ACTR3C: variants seen among roughly 807,000 people sequenced by gnomAD.
ACTR3C encodes the protein actin-related protein 3C.
A neutral mutation model predicts 26.3 loss-of-function variants in ACTR3C; 18 were observed. That is an observed-to-expected ratio of 0.68 (90% CI 0.47 to 1.01). ACTR3C has a LOEUF of 1.01. Ranked by LOEUF, ACTR3C falls within the 50% of genes least tolerant of loss-of-function variation. The pLI, the probability that ACTR3C is intolerant of heterozygous loss-of-function variation, is 0.00. For missense variants in ACTR3C, 184 were observed against 250.7 expected, an observed-to-expected ratio of 0.73 and a Z score of 1.80; for synonymous variants, 55 against 94.5, an observed-to-expected ratio of 0.58 and a Z score of 2.42.
the ACTR3C span, among the ~76,000 whole-genome samples, chr7:149,887,075 G>T: frequency 6.6e-6 from 1 of 151,732 alleles, no homozygotes; most frequent in Non-Finnish European, 1.5e-5. Context: ...AAAATGGAAA[G>T]AAACTATAAA....
the ACTR3C span, chr7:150,074,155 C>G: frequency 6.6e-6 from 1 of 152,242 alleles, no homozygotes; most frequent in Non-Finnish European, 1.5e-5. Context: ...GCTACATGTT[C>G]TAGAAAGCCC....
At chr7:149,954,045 T>A in the ACTR3C span, among the ~76,000 whole-genome samples, 9,891 of 141,744 alleles carry the variant, frequency 0.07, 1,089 homozygotes, top group African/African-American at 0.24. Context: ...ACTCTGTTTT[T>A]CCCCATACGC....
chr7:149,934,462 A>C, the ACTR3C span, among the ~76,000 whole-genome samples: 1 of 152,232 alleles, frequency 6.6e-6, no homozygotes, highest in African/African-American at 2.4e-5. Context: ...AATTTTATAT[A>C]TTCAAGAGGT....
the ACTR3C span, among the ~76,000 whole-genome samples, chr7:150,131,070 A>G: frequency 2.0e-5 from 3 of 152,276 alleles, no homozygotes; most frequent in East Asian, 5.8e-4. Context: ...ATGACTACAC[A>G]TTTTTTCAAA....
At chr7:150,252,411 A>G (rs61435609) in intron 6 of ACTR3C, among the ~76,000 whole-genome samples, 21,881 of 152,008 alleles carry the variant, frequency 0.14, 3,028 homozygotes, top group African/African-American at 0.36. Flanking sequence ...TGGCCTGTCC[A>G]TACTCTAAAG....
At chr7:150,143,524 C>A in the ACTR3C span, among the ~76,000 whole-genome samples, 1 of 152,132 alleles carries the variant, frequency 6.6e-6, no homozygotes, top group South Asian at 2.1e-4. Context: ...GTAACAGCTA[C>A]GACAATCAAG....
the ACTR3C span, among the ~76,000 whole-genome samples, chr7:150,056,818 C>A: frequency 6.9e-6 from 1 of 145,424 alleles, no homozygotes; most frequent in African/African-American, 2.6e-5. Context: ...TGATGCAGAC[C>A]CATTTCAGTC....
At chr7:150,205,410 A>T in the ACTR3C span, among the ~76,000 whole-genome samples, 5 of 152,226 alleles carry the variant, frequency 3.3e-5, no homozygotes, top group African/African-American at 1.2e-4. Flanking sequence ...TGTATTATGG[A>T]TGTAACCTAC....
chr7:150,214,546 A>C, the ACTR3C span, among the ~76,000 whole-genome samples: 1 of 151,792 alleles, frequency 6.6e-6, no homozygotes, highest in South Asian at 2.1e-4. Flanking sequence ...TCTTGGAAAA[A>C]TGATGAGCCT....
intron 2 of ACTR3C, among the ~76,000 whole-genome samples, chr7:150,294,630 C>T (rs1216731101): frequency 6.6e-6 from 1 of 152,212 alleles, no homozygotes; most frequent in Non-Finnish European, 1.5e-5. Context: ...TGCAGCATCG[C>T]CCAAATTCAT....
chr7:149,967,468 G>A, the ACTR3C span, among the ~76,000 whole-genome samples: 1,692 of 152,270 alleles, frequency 0.011, 20 homozygotes, highest in African/African-American at 0.038. Context: ...CACCGTGTCT[G>A]GCCCATGTCT....
At chr7:150,029,483 C>T in the ACTR3C span, among the ~76,000 whole-genome samples, 18 of 151,278 alleles carry the variant, frequency 1.2e-4, no homozygotes, top group African/African-American at 3.4e-4. Flanking sequence ...AGGAAGATCG[C>T]TTGAGCCCAG....
chr7:150,095,658 T>C, the ACTR3C span, among the ~76,000 whole-genome samples: 1 of 149,964 alleles, frequency 6.7e-6, no homozygotes, highest in East Asian at 1.9e-4. Flanking sequence ...TGTACCCTCA[T>C]TTTCAAAACC....
At chr7:150,241,943 C>T (rs141717653), downstream of ACTR3C, among the ~76,000 whole-genome samples, 13 of 152,202 alleles carry the variant, frequency 8.5e-5, no homozygotes, top group African/African-American at 2.4e-4. Context: ...TGTGGCCAGG[C>T]GCGGTGGCTC....
chr7:150,030,380 A>C, the ACTR3C span, among the ~76,000 whole-genome samples: 7 of 151,022 alleles, frequency 4.6e-5, 1 homozygote, highest in African/African-American at 1.7e-4. Context: ...ATTGGATTGG[A>C]TGGTATAGAT....
At chr7:150,227,712 T>TTTTTTTTTTTTTTTTTTG in the ACTR3C span, among the ~76,000 whole-genome samples, 1 of 147,940 alleles carries the variant, frequency 6.8e-6, no homozygotes, top group African/African-American at 2.5e-5. Flanking sequence ...TTTTTTTTTT[T>TTTTTTTTTTTTTTTTTTG]TGGTATATGT....
the ACTR3C span, among the ~76,000 whole-genome samples, chr7:149,986,596 T>C: frequency 1.3e-5 from 2 of 152,096 alleles, no homozygotes; most frequent in Non-Finnish European, 2.9e-5. Flanking sequence ...TAGGCACTAA[T>C]AGCACAAACA....
At chr7:150,152,388 T>C in the ACTR3C span, among the ~76,000 whole-genome samples, 35,094 of 151,984 alleles carry the variant, frequency 0.23, 4,803 homozygotes, top group East Asian at 0.47. Flanking sequence ...TCTGCATCTA[T>C]TGAGATAATC....
intron 1 of ACTR3C, among the ~76,000 whole-genome samples, chr7:150,304,315 A>G (rs1472873846): frequency 1.3e-5 from 2 of 152,130 alleles, no homozygotes; most frequent in African/African-American, 4.8e-5. Context: ...TGCTATGGCT[A>G]GCATTTTTTT....
Sources: allele counts gnomAD v4.1 joint callset (sites outside exome capture counted in the v4.1 genomes callset), GRCh38; gene constraint gnomAD v4.1.1; transcripts MANE v1.5; gene names NCBI Gene and HGNC (gene_info 2026-07-23, HGNC 2026-07-21).